EMC7: variants seen among roughly 807,000 people sequenced by gnomAD.
EMC7 encodes the protein endoplasmic reticulum membrane protein complex subunit 7.
Under a neutral mutation model 24.4 loss-of-function variants are expected in EMC7, and 4 were observed. The ratio of observed to expected loss-of-function variants is 0.16; its 90% CI spans 0.08 to 0.38. The LOEUF (loss-of-function observed/expected upper bound fraction) is 0.38, where lower values mean the gene tolerates loss of function less well. Ranked by LOEUF, EMC7 falls within the 10% of genes least tolerant of loss-of-function variation. The pLI, the probability that EMC7 is intolerant of heterozygous loss-of-function variation, is 1.00. For missense variants in EMC7, 221 were observed against 300.6 expected (o/e 0.74, Z 1.96); for synonymous variants, 106 against 112.0 (o/e 0.95, Z 0.34).
At chr15:34,099,990 C>A (rs1901149802) in intron 1 of EMC7, among the ~76,000 whole-genome samples, 2 of 152,196 alleles carry the variant, frequency 1.3e-5, no homozygotes, top group Admixed American at 6.5e-5. Context: ...AGGCAGGATA[C>A]AAACTACTAC....
rs766136654 is a variant in EMC7 at position 34,088,033 on chromosome 15, T to C, written c.576+20A>G. The C allele has an allele frequency of 1.1e-5, 18 of 1,588,622 alleles. No individual in the cohort carries two copies. The highest frequency in any genetic ancestry group is 4.5e-5 in the East Asian group (2 of 44,664). On this transcript the variant is annotated intron_variant, in intron 4 of 4. Coordinates refer to ENST00000256545, the MANE Select transcript of EMC7 (RefSeq NM_020154.3). ...TATCTCTTAAAAAAAAAAAAATCCATAGCTGGACCATCATCTTACCCGTCT... is the reference window on the plus strand; with the variant it reads ...TATCTCTTAAAAAAAAAAAAATCCACAGCTGGACCATCATCTTACCCGTCT...
chr15:34,091,522 T>G (rs1567502497), intron 2 of EMC7, among the ~76,000 whole-genome samples: 1 of 152,228 alleles, frequency 6.6e-6, no homozygotes, highest in Non-Finnish European at 1.5e-5. Context: ...TCCTGGATTA[T>G]GCAGAAAGTA....
chr15:34,099,893 C>T (rs561167002), intron 1 of EMC7, among the ~76,000 whole-genome samples: 8 of 152,240 alleles, frequency 5.3e-5, no homozygotes, highest in African/African-American at 9.6e-5. Flanking sequence ...TGAGCCACCG[C>T]GCCTGGAAAT....
chr15:34,093,806 C>CACACACACACATATATATATATATATAT (rs61440619), intron 2 of EMC7, among the ~76,000 whole-genome samples: 1 of 30,246 alleles, frequency 3.3e-5, no homozygotes, highest in Non-Finnish European at 7.8e-5. Flanking sequence ...CACACACACA[C>CACACACACACATATATATATATATATAT]ATATATATAT....
At chr15:34,096,992 A>AT (rs906786545) in intron 1 of EMC7, among the ~76,000 whole-genome samples, 22 of 139,832 alleles carry the variant, frequency 1.6e-4, no homozygotes, top group Non-Finnish European at 1.7e-4. Flanking sequence ...AAAAAAAGGC[A>AT]TTTTGTTCTA....
At chr15:34,087,715 T>G (rs1900910841) in intron 4 of EMC7, among the ~76,000 whole-genome samples, 1 of 152,196 alleles carries the variant, frequency 6.6e-6, no homozygotes, top group African/African-American at 2.4e-5. Context: ...TCTAGTCTAA[T>G]GGAAGCAACT....
intron 1 of EMC7, 48 bp downstream of exon 1, chr15:34,101,556 G>A: frequency 6.3e-7 from 1 of 1,588,628 alleles, no homozygotes; most frequent in Non-Finnish European, 8.6e-7. Context: ...TGGGGTCCCT[G>A]TCCGGCCTCC....
chr15:34,097,579 G>A (rs1057455246), intron 1 of EMC7, among the ~76,000 whole-genome samples: 1 of 152,010 alleles, frequency 6.6e-6, no homozygotes, highest in African/African-American at 2.4e-5. Context: ...CTACTATTCT[G>A]AGGGGGGAAA....
intron 2 of EMC7, among the ~76,000 whole-genome samples, chr15:34,090,993 T>C (rs1218042196): frequency 2.6e-5 from 4 of 152,228 alleles, no homozygotes; most frequent in Non-Finnish European, 5.9e-5. Flanking sequence ...TAATCAAAAT[T>C]CTCATCCATG....
chr15:34,095,016 C>T (rs1037069175), intron 2 of EMC7, among the ~76,000 whole-genome samples: 1 of 152,194 alleles, frequency 6.6e-6, no homozygotes, highest in African/African-American at 2.4e-5. Flanking sequence ...ACTAACTGAA[C>T]ATGTGTCAGC....
At chr15:34,098,461 T>C (rs941486529) in intron 1 of EMC7, among the ~76,000 whole-genome samples, 3 of 149,296 alleles carry the variant, frequency 2.0e-5, no homozygotes, top group Non-Finnish European at 4.5e-5. Context: ...TTCTTTCTTT[T>C]TTTTTTTTTT....
At chr15:34,092,155 C>T (rs1900982182) in intron 2 of EMC7, among the ~76,000 whole-genome samples, 1 of 151,750 alleles carries the variant, frequency 6.6e-6, no homozygotes, top group Non-Finnish European at 1.5e-5. Context: ...ATCCCAGCTA[C>T]TTGGGAGGCT....
At position 34,090,429 on chromosome 15, in the gene EMC7, G is replaced by A. The variant is rs866005480; in HGVS notation, c.383C>T (p.Thr128Ile). 9 of 1,613,584 alleles carry A rather than the reference G, an allele frequency of 5.6e-6. No individual in the cohort carries two copies. The Middle Eastern group carries it at 1.3e-3, about 237-fold the overall frequency. ...ATAGGGCAGTCTGACAACCTCTGAT[G>A]TTTTGATGTAATTCACATATCTTGC... The part of the protein sequence containing the change: ...MRARYVNYIK[T>I]SEVVRLPYPL... The change falls in exon 3 of 5, where the codon ACA becomes ATA. Residue 128 changes from threonine (T) to isoleucine (I), a missense_variant. This residue lies in a region of EMC7 where 156 missense variants were observed against 177.1 expected (regional missense o/e 0.88). Transcript: ENST00000256545.
intron 2 of EMC7, 68 bp downstream of exon 2, chr15:34,095,827 T>C: frequency 7.3e-7 from 1 of 1,365,066 alleles, no homozygotes; most frequent in East Asian, 2.5e-5. Context: ...CTATTAATTC[T>C]AAAAGGAATA....
chr15:34,096,382 G>A (rs929074850), intron 1 of EMC7, among the ~76,000 whole-genome samples: 1 of 151,956 alleles, frequency 6.6e-6, no homozygotes, highest in Non-Finnish European at 1.5e-5. Flanking sequence ...TGTTGGCCAG[G>A]CTGGTCTCGA....
At position 34,084,415 on chromosome 15, in the gene EMC7, T is replaced by C; in HGVS notation, c.648A>G (p.Arg216=). Residue 216 remains arginine, a synonymous_variant, in exon 5 of 5, where the codon AGA becomes AGG. Coordinates refer to ENST00000256545, the MANE Select transcript of EMC7 (RefSeq NM_020154.3). ...TGCCAGATGATTTTGAAGAGAAGAG[T>C]CTTGTCATGAACTCAGAAACATCAG... ...ELPDVSEFMT[R]LFSSKSSGKS... The C allele has an allele frequency of 6.2e-7, 1 of 1,613,614 alleles. No homozygotes were observed. The highest frequency in any genetic ancestry group is 8.5e-7 in the Non-Finnish European group (1 of 1,179,724).
At chr15:34,088,195 C>T in intron 3 of EMC7, 62 bp from the exon 4 acceptor site, 1 of 1,359,530 alleles carries the variant, frequency 7.4e-7, no homozygotes, top group South Asian at 1.3e-5. Flanking sequence ...AGAACAAAAA[C>T]TGCACTTAAC....
At chr15:34,094,867 T>C (rs1485228007) in intron 2 of EMC7, among the ~76,000 whole-genome samples, 2 of 152,204 alleles carry the variant, frequency 1.3e-5, no homozygotes, top group East Asian at 1.9e-4. Flanking sequence ...GACAACTCCA[T>C]GTGTGACTCA....
intron 2 of EMC7, 137 bp from the exon 3 acceptor site, chr15:34,090,592 G>C: frequency 1.0e-6 from 1 of 998,612 alleles, no homozygotes; most frequent in Non-Finnish European, 1.4e-6. Context: ...CTAAACTTTT[G>C]ATCTTGAAAA....
Sources: gnomAD v4.1 joint callset for allele counts (sites outside exome capture counted in the v4.1 genomes callset) on GRCh38, gnomAD v4.1.1 for gene constraint, gnomAD v4.1.1 regional missense constraint, MANE v1.5 for transcripts, NCBI Gene and HGNC (gene_info 2026-07-23, HGNC 2026-07-21) for gene names.